The following CDK6 variants were observed in gnomAD, a reference collection of about 807,000 sequenced individuals.
CDK6 encodes cyclin dependent kinase 6.
Under a neutral mutation model 37.1 loss-of-function variants are expected in CDK6, and 6 were observed. The ratio of observed to expected loss-of-function variants is 0.16; its 90% CI spans 0.09 to 0.32. The LOEUF (loss-of-function observed/expected upper bound fraction) is 0.32. CDK6 is among the 10% of genes least tolerant of loss of function. CDK6 has a pLI of 1.00. For missense variants in CDK6, 224 were observed against 418.9 expected, an observed-to-expected ratio of 0.53 and a Z score of 4.06; for synonymous variants, 160 against 161.3, an observed-to-expected ratio of 0.99 and a Z score of 0.06.
intron 4 of CDK6, among the ~76,000 whole-genome samples, chr7:92,673,045 C>A (rs1050956007): frequency 1.3e-5 from 2 of 152,172 alleles, no homozygotes; most frequent in Non-Finnish European, 2.9e-5. Flanking sequence ...GAAGCCTGAG[C>A]CTAGGCCTTT....
At chr7:92,643,524 T>A (rs1447370475) in intron 5 of CDK6, among the ~76,000 whole-genome samples, 2 of 152,076 alleles carry the variant, frequency 1.3e-5, no homozygotes, top group African/African-American at 4.8e-5. Flanking sequence ...ATGAAGAAAA[T>A]AAGATATGCT....
At chr7:92,696,592 G>A (rs572167056) in intron 4 of CDK6, among the ~76,000 whole-genome samples, 1 of 152,252 alleles carries the variant, frequency 6.6e-6, no homozygotes, top group South Asian at 2.1e-4. Context: ...AAACTGGTTT[G>A]ATATGTCAGG....
In CDK6 at chr7:92,725,758, A is replaced by G. The variant is rs758322644; in HGVS notation, c.405T>C (p.Phe135=). 1.8e-5 allele frequency: 29 copies of G among 1,613,996 alleles called. No homozygotes were observed. The highest frequency in any genetic ancestry group is 2.2e-5 in the Non-Finnish European group (26 of 1,179,914). The stretch of plus-strand genomic sequence containing the variant: ...GATGCACTACTCGGTGTGAATGAAG[A>G]AAGTCCAGACCTCGGAGAAGCTGAA... The part of the protein sequence containing the change: ...MMFQLLRGLD[F]LHSHRVVHRD... Residue 135 remains phenylalanine (F), a synonymous_variant, in exon 4 of 8, where the codon TTT becomes TTC. Transcript: ENST00000424848.
chr7:92,796,668 C>G (rs1800420916), intron 2 of CDK6, among the ~76,000 whole-genome samples: 1 of 151,672 alleles, frequency 6.6e-6, no homozygotes. Flanking sequence ...ATCTCTGTAT[C>G]AAAATTCAAA....
At chr7:92,712,159 C>CAAA (rs1422096624) in intron 4 of CDK6, among the ~76,000 whole-genome samples, 2 of 129,064 alleles carry the variant, frequency 1.5e-5, no homozygotes, top group African/African-American at 5.5e-5. Flanking sequence ...GACTCCGTCC[C>CAAA]AAAAAAAAAA....
chr7:92,646,586 T>C (rs888895586), intron 5 of CDK6, among the ~76,000 whole-genome samples: 4 of 151,998 alleles, frequency 2.6e-5, no homozygotes, highest in African/African-American at 9.6e-5. Context: ...TTAGTAGAGA[T>C]AGCGTTTCAC....
chr7:92,720,989 G>A (rs996476889), intron 4 of CDK6, among the ~76,000 whole-genome samples: 1 of 152,210 alleles, frequency 6.6e-6, no homozygotes, highest in East Asian at 1.9e-4. Context: ...GTTCTCATTG[G>A]TTTTCCAATG....
chr7:92,814,040 T>G (rs112796408), intron 2 of CDK6, among the ~76,000 whole-genome samples: 1 of 152,356 alleles, frequency 6.6e-6, no homozygotes, highest in African/African-American at 2.4e-5. Context: ...ACATGGGAAT[T>G]TCCTGCAAAG....
At chr7:92,734,742 G>C (rs1408489150) in intron 3 of CDK6, among the ~76,000 whole-genome samples, 1 of 152,222 alleles carries the variant, frequency 6.6e-6, no homozygotes, top group East Asian at 1.9e-4. Flanking sequence ...TTACGGGATA[G>C]GGACAAAAGA....
At chr7:92,673,939 G>A (rs916306466) in intron 4 of CDK6, among the ~76,000 whole-genome samples, 1 of 151,762 alleles carries the variant, frequency 6.6e-6, no homozygotes, top group Admixed American at 6.6e-5. Flanking sequence ...CACCACACCC[G>A]GCTAATTTTT....
intron 3 of CDK6, among the ~76,000 whole-genome samples, chr7:92,767,333 G>A (rs544247527): frequency 6.6e-6 from 1 of 152,274 alleles, no homozygotes; most frequent in Admixed American, 6.5e-5. Context: ...TTGAGTTACT[G>A]AGTTTTCCCT....
intron 2 of CDK6, among the ~76,000 whole-genome samples, chr7:92,825,641 C>A (rs1212681203): frequency 6.6e-6 from 1 of 152,126 alleles, no homozygotes; most frequent in African/African-American, 2.4e-5. Flanking sequence ...TCAGAATCAT[C>A]ATCTTTTATA....
rs182547582 is a variant in CDK6, at chr7:92,760,830, T to A, written c.369+13866A>T. ...TATTCTTCAACAATATGAGATTTTT[T>A]GAAAAATCATCCTATGAGATGTATT... On this transcript the variant is annotated intron_variant, in intron 3 of 7. Coordinates refer to ENST00000424848, the MANE Select transcript of CDK6 (RefSeq NM_001145306.2). 1.9e-3 allele frequency among the ~76,000 whole-genome samples: 285 copies of A among 152,278 alleles called. 2 individuals carry two copies. The highest frequency in any genetic ancestry group is 7.9e-4 in the Non-Finnish European group (54 of 67,974).
chr7:92,783,301 A>G (rs1359152477), intron 2 of CDK6, among the ~76,000 whole-genome samples: 1 of 152,228 alleles, frequency 6.6e-6, no homozygotes, highest in Non-Finnish European at 1.5e-5. Context: ...TCCAGTGTGC[A>G]AGGTGTGTTC....
chr7:92,771,224 C>CAAAAAA (rs1368775003), intron 3 of CDK6, among the ~76,000 whole-genome samples: 3 of 72,082 alleles, frequency 4.2e-5, no homozygotes, highest in African/African-American at 1.5e-4. Context: ...GACTCCGTCT[C>CAAAAAA]AAAAAAAAAA....
At chr7:92,828,604 T>C (rs1801393141) in intron 2 of CDK6, among the ~76,000 whole-genome samples, 1 of 152,196 alleles carries the variant, frequency 6.6e-6, no homozygotes, top group African/African-American at 2.4e-5. Flanking sequence ...AAATAATTTA[T>C]TTTTAATAGG....
intron 5 of CDK6, among the ~76,000 whole-genome samples, chr7:92,640,189 C>T (rs1012653474): frequency 2.0e-5 from 3 of 152,152 alleles, no homozygotes; most frequent in African/African-American, 7.2e-5. Context: ...CCTTGCTCTG[C>T]CCACCTTTGG....
intron 5 of CDK6, among the ~76,000 whole-genome samples, chr7:92,628,816 A>C (rs1357439644): frequency 6.6e-6 from 1 of 152,112 alleles, no homozygotes; most frequent in African/African-American, 2.4e-5. Flanking sequence ...GCTGACAATT[A>C]TTCTCCTATA....
At chr7:92,708,039 T>C (rs975709174) in intron 4 of CDK6, among the ~76,000 whole-genome samples, 1 of 152,124 alleles carries the variant, frequency 6.6e-6, no homozygotes, top group Admixed American at 6.5e-5. Flanking sequence ...TTAGGAATAG[T>C]GAGGGAAGAC....
Sources: gnomAD v4.1 joint callset for allele counts (sites outside exome capture counted in the v4.1 genomes callset) on GRCh38, gnomAD v4.1.1 for gene constraint, MANE v1.5 for transcripts, NCBI Gene and HGNC (gene_info 2026-07-23, HGNC 2026-07-21) for gene names.